Variants in SGPL1 observed in about 807,000 individuals in gnomAD.
The protein encoded by SGPL1 is SP-lyase 1.
SGPL1 carries 37 observed loss-of-function variants against 68.9 expected under a neutral mutation model. The observed-to-expected ratio is 0.54, with a 90% CI of 0.41 to 0.71. SGPL1 has a LOEUF of 0.71. Ranked by LOEUF, SGPL1 falls within the 30% of genes least tolerant of loss-of-function variation. The probability of loss-of-function intolerance (pLI) is 0.00; values close to 1 mark genes in which losing one functional copy is unlikely to be tolerated. For synonymous variants in SGPL1, 236 were observed against 248.5 expected, an observed-to-expected ratio of 0.95 and a Z score of 0.47; for missense variants, 551 against 704.6, an observed-to-expected ratio of 0.78 and a Z score of 2.47.
chr10:70,822,795 CT>C (rs79983712), intron 2 of SGPL1, among the ~76,000 whole-genome samples: 45,786 of 135,830 alleles, frequency 0.34, 6,387 homozygotes, highest in South Asian at 0.47. Context: ...CATTATCACT[CT>C]TTTTTTTTTT....
At chr10:70,847,901 A>T (rs1215472145) in intron 3 of SGPL1, among the ~76,000 whole-genome samples, 1 of 152,224 alleles carries the variant, frequency 6.6e-6, no homozygotes, top group Non-Finnish European at 1.5e-5. Flanking sequence ...TCCAACACTG[A>T]ATCCCTCTTG....
chr10:70,823,565 A>G (rs1268522182), intron 2 of SGPL1, among the ~76,000 whole-genome samples: 91 of 794 alleles, frequency 0.11, no homozygotes, highest in South Asian at 0.21. Flanking sequence ...TTTATATTGA[A>G]AAAAAAAAAA....
rs1383256361 is a variant in SGPL1, at chr10:70,871,158, A to C, written c.909+12A>C. 1 of 1,547,130 alleles carries C rather than the reference A, an allele frequency of 6.5e-7. No homozygotes were observed. Among genetic ancestry groups the C allele is most frequent in the Non-Finnish European group, 8.9e-7 (1 of 1,127,424 alleles). ...CTGAAGTGGCCAAGGTATATGAGAG[A>C]AATGGGCTGCTAAGGCAGGCAAATG... On this transcript the variant is annotated intron_variant, in intron 10 of 14. Transcript: ENST00000373202.
At chr10:70,873,963 T>C (rs1202579219) in intron 12 of SGPL1, among the ~76,000 whole-genome samples, 1 of 152,234 alleles carries the variant, frequency 6.6e-6, no homozygotes, top group Non-Finnish European at 1.5e-5. Flanking sequence ...CACAGGTAGC[T>C]GGGCCCACCC....
rs1279715574 is a variant in SGPL1 at position 70,869,968 on chromosome 10, C to T, written c.810+71C>T. 2.7e-5 allele frequency: 33 copies of T among 1,240,090 alleles called. 1 individual carries two copies. The highest frequency in any genetic ancestry group is 2.6e-4 in the Middle Eastern group (1 of 3,870). The allele number at this position is 1,240,090 out of a possible 1,614,324, so 76.8% of individuals were successfully genotyped here. A position where few individuals can be genotyped will look rare whatever the true frequency, so the allele number is the denominator to read the frequency against. ...CAGAAGGGCCCTCCTGTTGACTAGC[C>T]GTTTCCAGTCAGATGGGTCTGACTG... is the stretch of plus-strand genomic sequence containing the variant. On this transcript the variant is annotated intron_variant, in intron 9 of 14. Transcript: ENST00000373202.
intron 7 of SGPL1, among the ~76,000 whole-genome samples, chr10:70,865,293 A>T: frequency 6.8e-6 from 1 of 147,674 alleles, no homozygotes; most frequent in Non-Finnish European, 1.5e-5. Context: ...GTTATTGTAG[A>T]TTTTGACTCT....
intron 7 of SGPL1, chr10:70,860,439 AATC>A (rs529013283): frequency 1.0e-3 from 480 of 469,094 alleles, no homozygotes; most frequent in Non-Finnish European, 1.2e-3. Context: ...GCGCCATGAA[AATC>A]ATCATGTTCA....
At chr10:70,838,945 C>T (rs532171969) in intron 2 of SGPL1, among the ~76,000 whole-genome samples, 3 of 152,256 alleles carry the variant, frequency 2.0e-5, no homozygotes, top group South Asian at 4.2e-4. Context: ...GTTTGAAACT[C>T]AGTGGTCTAA....
At chr10:70,822,728 A>C (rs543349385) in intron 2 of SGPL1, among the ~76,000 whole-genome samples, 1 of 152,236 alleles carries the variant, frequency 6.6e-6, no homozygotes, top group East Asian at 1.9e-4. Context: ...AAGGCTGAGC[A>C]GGTTTAAGGA....
At chr10:70,862,722 C>T (rs1189906188) in intron 7 of SGPL1, among the ~76,000 whole-genome samples, 1 of 152,102 alleles carries the variant, frequency 6.6e-6, no homozygotes, top group African/African-American at 2.4e-5. Context: ...CTGTGAAGGT[C>T]TGCAGCTTCA....
intron 7 of SGPL1, among the ~76,000 whole-genome samples, chr10:70,867,256 C>T (rs1055708468): frequency 6.6e-6 from 1 of 152,078 alleles, no homozygotes; most frequent in Non-Finnish European, 1.5e-5. Context: ...TACTGAGAGT[C>T]AAGTCAGGCA....
At chr10:70,832,620 C>G (rs981575681) in intron 2 of SGPL1, among the ~76,000 whole-genome samples, 1 of 152,132 alleles carries the variant, frequency 6.6e-6, no homozygotes, top group African/African-American at 2.4e-5. Context: ...AAGAAATTAT[C>G]ATTTCTAGTT....
At chr10:70,816,927 G>T (rs1363301043) in intron 2 of SGPL1, 47 bp downstream of exon 2, 5 of 1,587,878 alleles carry the variant, frequency 3.1e-6, no homozygotes, top group Non-Finnish European at 4.3e-6. Context: ...ATTTGTCTCC[G>T]TTTTTTTAGT....
chr10:70,817,101 C>T (rs1428377246), intron 2 of SGPL1, among the ~76,000 whole-genome samples: 1 of 152,208 alleles, frequency 6.6e-6, no homozygotes, highest in Non-Finnish European at 1.5e-5. Flanking sequence ...CTCACCGCCA[C>T]CTCTGCCTCC....
chr10:70,816,485 C>T (rs1845232072), intron 1 of SGPL1, among the ~76,000 whole-genome samples: 2 of 152,156 alleles, frequency 1.3e-5, no homozygotes, highest in African/African-American at 4.8e-5. Context: ...GCCTCGGCAC[C>T]TTCAGCCCGG....
intron 6 of SGPL1, 39 bp from the exon 7 acceptor site, chr10:70,859,332 A>G (rs1432446789): frequency 3.7e-6 from 5 of 1,361,518 alleles, no homozygotes; most frequent in Non-Finnish European, 4.8e-6. Flanking sequence ...TGTATAGTGT[A>G]ATAGTTTTGA....
At chr10:70,873,279 T>A in intron 11 of SGPL1, 72 bp from the exon 12 acceptor site, 1 of 1,064,928 alleles carries the variant, frequency 9.4e-7, no homozygotes, top group South Asian at 1.3e-5. Flanking sequence ...CTTTGCATGA[T>A]GAGAGTTCTG....
intron 9 of SGPL1, chr10:70,870,118 G>C (rs971361475): frequency 1.6e-5 from 7 of 434,068 alleles, no homozygotes; most frequent in Middle Eastern, 1.2e-3. Flanking sequence ...CTTGGGACTT[G>C]AGAGACACTG....
intron 7 of SGPL1, chr10:70,860,511 A>G: frequency 2.2e-6 from 1 of 449,372 alleles, no homozygotes; most frequent in South Asian, 1.7e-5. Flanking sequence ...AAAATACTGA[A>G]ACTGTTAAAA....
Sources: allele counts gnomAD v4.1 joint callset (sites outside exome capture counted in the v4.1 genomes callset), GRCh38; gene constraint gnomAD v4.1.1; transcripts MANE v1.5; gene names NCBI Gene and HGNC (gene_info 2026-07-23, HGNC 2026-07-21).